CEP126: variants seen among roughly 807,000 people sequenced by gnomAD.
CEP126 encodes centrosomal protein of 126 kDa.
CEP126 carries 74 observed loss-of-function variants against 107.8 expected under a neutral mutation model. That is an observed-to-expected ratio of 0.69 (90% CI 0.57 to 0.83). The LOEUF (loss-of-function observed/expected upper bound fraction) is 0.83, where lower values mean the gene tolerates loss of function less well. CEP126 is among the 40% of genes least tolerant of loss of function. The pLI, the probability that CEP126 is intolerant of heterozygous loss-of-function variation, is 0.00. For missense variants in CEP126, 1,237 were observed against 1,281.9 expected (o/e 0.96, Z 0.53); for synonymous variants, 449 against 446.0 (o/e 1.01, Z -0.08).
rs910893960 is a variant in CEP126 at position 101,987,174 on chromosome 11, C to T, written c.3244+133C>T. ...TATTACCAACTACCTGAGTGCATAA[C>T]CATTCAGACTATATTTGAATACTAT... On this transcript the variant is annotated intron_variant, in intron 9 of 10. Transcript: ENST00000263468. 6.5e-6 allele frequency: 4 copies of T among 618,630 alleles called. No individual in the cohort carries two copies. In the African/African-American group the frequency reaches 7.4e-5, roughly 11 times the overall value. 38.3% of individuals were successfully genotyped at this position (618,630 alleles called of 1,614,324 possible).
chr11:101,929,694 G>A (rs921249486), intron 2 of CEP126, among the ~76,000 whole-genome samples: 14 of 152,312 alleles, frequency 9.2e-5, no homozygotes, highest in African/African-American at 3.4e-4. Context: ...ATACCAGGAT[G>A]AGGAGAAGAC....
chr11:101,948,213 AG>A (rs1940765209), intron 4 of CEP126, 71 bp downstream of exon 4: 2 of 880,820 alleles, frequency 2.3e-6, no homozygotes, highest in African/African-American at 3.4e-5. Flanking sequence ...TGTGCTTGTC[AG>A]CTTTTTCATC....
chr11:101,962,738 A>C lies in CEP126; in HGVS notation c.1703A>C (p.Glu568Ala). The C allele has an allele frequency of 6.2e-7, 1 of 1,612,110 alleles. No homozygotes were observed. The highest frequency in any genetic ancestry group is 8.5e-7 in the Non-Finnish European group (1 of 1,179,418). The change falls in exon 6 of 11, where the codon GAG (glutamate) becomes GCG (alanine). Residue 568 changes from glutamate (E) to alanine (A), a missense_variant. By Grantham distance (107) the Glu-to-Ala change is moderately radical. Coordinates refer to ENST00000263468, the MANE Select transcript of CEP126 (RefSeq NM_020802.4). The stretch of plus-strand genomic sequence containing the variant: ...AAGAAAATGAAATACAACATCCATG[A>C]GAGAAATGGTGTGAGATTTCTTAAA... Reference protein sequence around the residue: ...QHKKMKYNIHERNGVRFLKSI... With the variant: ...QHKKMKYNIHARNGVRFLKSI...
chr11:101,963,213 G>T lies in CEP126; in HGVS notation c.2178G>T (p.Trp726Cys). Reference protein sequence around the residue: ...PSGYNFAKHAWPASKKEESKI... With the variant: ...PSGYNFAKHACPASKKEESKI... ...GTTATAACTTTGCTAAACATGCCTGGCCAGCCTCAAAAAAAGAAGAAAGTA... is the reference window on the plus strand; with the variant it reads ...GTTATAACTTTGCTAAACATGCCTGTCCAGCCTCAAAAAAAGAAGAAAGTA... The change falls in exon 6 of 11, where the codon TGG (tryptophan) becomes TGT (cysteine). Residue 726 changes from tryptophan to cysteine, a missense_variant. Around this residue, in one of 3 missense-constraint regions of CEP126, gnomAD observed 1,134 missense variants for 1,150.5 expected, o/e 0.99. Coordinates refer to ENST00000263468, the MANE Select transcript of CEP126 (RefSeq NM_020802.4). The T allele has an allele frequency of 6.2e-7, 1 of 1,613,824 alleles. No individual in the cohort carries two copies. Among genetic ancestry groups the T allele is most frequent in the South Asian group, 1.1e-5 (1 of 91,058 alleles).
chr11:101,990,030 A>G (rs1941359238), intron 9 of CEP126, among the ~76,000 whole-genome samples: 1 of 149,134 alleles, frequency 6.7e-6, no homozygotes, highest in Non-Finnish European at 1.5e-5. Context: ...CCATGGGAGA[A>G]TATGAGAGAG....
intron 2 of CEP126, among the ~76,000 whole-genome samples, chr11:101,924,294 A>G (rs769205431): frequency 1.3e-5 from 2 of 152,190 alleles, no homozygotes; most frequent in Non-Finnish European, 1.5e-5. Flanking sequence ...ATTTGTGCAC[A>G]TCCGAATTTC....
At position 101,964,489 on chromosome 11, in the gene CEP126, C is replaced by G. The variant is rs139486679; in HGVS notation, c.2845+609C>G. ...TCTCTACAAAAATACAAAAATTAGC[C>G]GGGCATGGTGGCGCGTGCCTGTAAT... On this transcript the variant is annotated intron_variant, in intron 6 of 10. Transcript: ENST00000263468. Among the ~76,000 whole-genome samples, 446 of 151,974 alleles carry G rather than the reference C, an allele frequency of 2.9e-3. 3 individuals are homozygous for G. The highest frequency in any genetic ancestry group is 0.012 in the South Asian group (58 of 4,816).
chr11:101,960,002 T>TTCA (rs1471008049), intron 5 of CEP126, among the ~76,000 whole-genome samples: 1 of 152,178 alleles, frequency 6.6e-6, no homozygotes, highest in Non-Finnish European at 1.5e-5. Context: ...CTGGAAATGT[T>TTCA]TCAAATTTGA....
At chr11:101,943,230 G>A (rs967245878) in intron 2 of CEP126, among the ~76,000 whole-genome samples, 16 of 151,904 alleles carry the variant, frequency 1.1e-4, no homozygotes, top group African/African-American at 3.4e-4. Flanking sequence ...CCCACCTCTG[G>A]TGCTACATCA....
At chr11:101,977,297 A>T (rs1398228555) in intron 6 of CEP126, among the ~76,000 whole-genome samples, 2 of 152,046 alleles carry the variant, frequency 1.3e-5, no homozygotes, top group African/African-American at 4.8e-5. Context: ...TATTATTTTG[A>T]TCTGTGATTT....
chr11:101,948,957 A>G (rs76813230), intron 4 of CEP126, among the ~76,000 whole-genome samples: 3 of 152,210 alleles, frequency 2.0e-5, no homozygotes, highest in African/African-American at 4.8e-5. Flanking sequence ...TGTGGGCAAC[A>G]GTTCCCTTGA....
chr11:101,963,844 G>A lies in CEP126; in HGVS notation c.2809G>A (p.Gly937Ser). 6.2e-7 allele frequency: 1 copy of A among 1,612,736 alleles called. No individual in the cohort carries two copies. The highest frequency in any genetic ancestry group is 8.5e-7 in the Non-Finnish European group (1 of 1,179,522). Residue 937 changes from glycine to serine, a missense_variant, in exon 6 of 11, where the codon GGT becomes AGT. Gly to Ser is a moderately conservative substitution (Grantham distance 56, BLOSUM62 0). Transcript: ENST00000263468. ...AGAATCAGTTCCCTTATGGAAAAGA[G>A]GTCCTAATGTCCTGCATCAAAATAA... ...EEESVPLWKR[G>S]PNVLHQNKRA... is the part of the protein sequence containing the mutation.
At chr11:101,924,766 T>A (rs1020734069) in intron 2 of CEP126, among the ~76,000 whole-genome samples, 14 of 152,056 alleles carry the variant, frequency 9.2e-5, no homozygotes, top group South Asian at 2.1e-4. Context: ...GTTTTTTTTT[T>A]AAATAGTATT....
chr11:101,915,284 G>A lies in CEP126; in HGVS notation c.-1G>A. On this transcript the variant is annotated 5_prime_UTR_variant, in exon 1 of 11. Coordinates refer to ENST00000263468, the MANE Select transcript of CEP126 (RefSeq NM_020802.4). ...GCAGACAGGCGGCGCTGAAGTGAAGGATGCTGGCGGGGAGGCCCGGAACCC... is the reference window on the plus strand; with the variant it reads ...GCAGACAGGCGGCGCTGAAGTGAAGAATGCTGGCGGGGAGGCCCGGAACCC... The A allele has an allele frequency of 6.2e-7, 1 of 1,613,676 alleles. No homozygotes were observed. The highest frequency in any genetic ancestry group is 8.5e-7 in the Non-Finnish European group (1 of 1,179,938).
chr11:101,961,817 A>G lies in CEP126; in HGVS notation c.782A>G (p.His261Arg). The G allele has an allele frequency of 1.2e-6, 2 of 1,610,290 alleles. No individual in the cohort carries two copies. The highest frequency in any genetic ancestry group is 1.7e-4 in the Middle Eastern group (1 of 6,038). ...ATAGACAGTCTTGAGGCTACAGAGC[A>G]TGAAGAAATATATTTAACACTTAAT... ...SSIDSLEATE[H>R]EEIYLTLNKE... Residue 261 changes from histidine to arginine, a missense_variant, in exon 6 of 11, where the codon CAT (histidine) becomes CGT (arginine). Around this residue, in one of 3 missense-constraint regions of CEP126, gnomAD observed 1,134 missense variants for 1,150.5 expected, o/e 0.99. Coordinates refer to ENST00000263468, the MANE Select transcript of CEP126 (RefSeq NM_020802.4).
intron 6 of CEP126, among the ~76,000 whole-genome samples, chr11:101,967,692 T>C (rs917241062): frequency 1.7e-4 from 26 of 152,164 alleles, no homozygotes; most frequent in Admixed American, 1.2e-3. Context: ...GGAATAAATA[T>C]CCAAAATGGG....
chr11:101,971,175 C>T (rs1465225434), intron 6 of CEP126, among the ~76,000 whole-genome samples: 1 of 152,088 alleles, frequency 6.6e-6, no homozygotes, highest in Non-Finnish European at 1.5e-5. Context: ...CACCATGTTG[C>T]CCAGGCTGGT....
In CEP126 at chr11:101,962,640, T is replaced by G; in HGVS notation, c.1605T>G (p.Asp535Glu). 1 of 1,612,698 alleles carries G rather than the reference T, an allele frequency of 6.2e-7. No homozygotes were observed. Among genetic ancestry groups the G allele is most frequent in the Non-Finnish European group, 8.5e-7 (1 of 1,179,640 alleles). The change falls in exon 6 of 11, where the codon GAT becomes GAG. Residue 535 changes from aspartate (D) to glutamate (E), a missense_variant. By Grantham distance (45) the Asp-to-Glu change is conservative. This residue lies in a region of CEP126 where 1,134 missense variants were observed against 1,150.5 expected (regional missense o/e 0.99). Transcript: ENST00000263468. ...TACCTCACAATCCTGATTCAAAAGA[T>G]GAAAAACAAAAATTAGCTGAAACAT... ...AYIPHNPDSK[D>E]EKQKLAETSS...
Position 101,994,629 on chromosome 11 carries a change from C to T in CEP126, c.3309+1787C>T, listed in dbSNP as rs531168168. 3.9e-5 allele frequency among the ~76,000 whole-genome samples: 6 copies of T among 152,224 alleles called. No homozygotes were observed. In the South Asian group the frequency reaches 6.2e-4, roughly 16 times the overall value. ...AGCACAATTAATTGAATGGGGAATCCGTTCCCCATTGCTTGTTTCTGTCAA... is the reference window on the plus strand; with the variant it reads ...AGCACAATTAATTGAATGGGGAATCTGTTCCCCATTGCTTGTTTCTGTCAA... On this transcript the variant is annotated intron_variant, in intron 10 of 10. Coordinates refer to ENST00000263468, the MANE Select transcript of CEP126 (RefSeq NM_020802.4).
Sources: allele counts gnomAD v4.1 joint callset (sites outside exome capture counted in the v4.1 genomes callset), GRCh38; gene constraint gnomAD v4.1.1; regional missense constraint gnomAD v4.1.1; transcripts MANE v1.5; gene names NCBI Gene and HGNC (gene_info 2026-07-23, HGNC 2026-07-21).